The following ERI1 variants were observed in gnomAD, a reference collection of about 807,000 sequenced individuals.
ERI1 encodes exoribonuclease 1, also known as 3'-5' exoribonuclease 1.
In ERI1, 39 loss-of-function variants were observed where a neutral mutation model predicts 39.7. That is an observed-to-expected ratio of 0.98 (90% CI 0.76 to 1.28). ERI1 has a LOEUF of 1.28. Among genes scored for constraint, ERI1 ranks in the 50% most tolerant of loss-of-function variants. The probability of loss-of-function intolerance (pLI) is 0.00; values close to 1 mark genes in which losing one functional copy is unlikely to be tolerated. For synonymous variants in ERI1, 204 were observed against 149.6 expected (o/e 1.36, Z -2.65); for missense variants, 581 against 416.9 (o/e 1.39, Z -3.43).
intron 1 of ERI1, among the ~76,000 whole-genome samples, chr8:9,006,066 T>G (rs1815986072): frequency 6.6e-6 from 1 of 152,244 alleles, no homozygotes; most frequent in South Asian, 2.1e-4. Flanking sequence ...CTGGTACGGA[T>G]GCTGATGCAA....
At chr8:9,010,699 A>G (rs1243820982) in intron 2 of ERI1, among the ~76,000 whole-genome samples, 6 of 152,218 alleles carry the variant, frequency 3.9e-5, no homozygotes, top group Non-Finnish European at 5.9e-5. Context: ...TCATTTATAT[A>G]ACGCTGAAGG....
chr8:9,077,050 G>A (rs1280148969), intron 3 of ERI1, among the ~76,000 whole-genome samples: 2 of 152,310 alleles, frequency 1.3e-5, no homozygotes, highest in African/African-American at 2.4e-5. Context: ...TACCTCATAC[G>A]CATGCCAGTG....
chr8:9,045,054 G>A (rs893228050), intron 3 of ERI1, among the ~76,000 whole-genome samples: 2 of 151,788 alleles, frequency 1.3e-5, no homozygotes, highest in African/African-American at 2.4e-5. Context: ...TGGCTAACAC[G>A]GTGAAACCCT....
chr8:9,026,688 A>G (rs1354609473), intron 6 of ERI1, among the ~76,000 whole-genome samples: 1 of 152,212 alleles, frequency 6.6e-6, no homozygotes, highest in Non-Finnish European at 1.5e-5. Flanking sequence ...ATTGTACTCA[A>G]AAGAAATTCT....
chr8:9,083,573 A>T (rs151278046), intron 3 of ERI1, among the ~76,000 whole-genome samples: 23 of 151,652 alleles, frequency 1.5e-4, no homozygotes, highest in African/African-American at 5.3e-4. Context: ...CTGCCTCATG[A>T]TGCTCACTTT....
At chr8:9,016,550 A>T in intron 4 of ERI1, 145 bp downstream of exon 4, 9 of 365,802 alleles carry the variant, frequency 2.5e-5, no homozygotes, top group South Asian at 9.1e-5. Context: ...GTAATAATTA[A>T]AAAAAAAAAA....
intron 6 of ERI1, among the ~76,000 whole-genome samples, chr8:9,025,992 C>T (rs1468230877): frequency 2.0e-5 from 3 of 152,150 alleles, no homozygotes; most frequent in Non-Finnish European, 4.4e-5. Context: ...AGAACTGTCA[C>T]TGTCTCAGCC....
intron 3 of ERI1, among the ~76,000 whole-genome samples, chr8:9,077,128 T>C (rs191100859): frequency 1.9e-4 from 29 of 152,354 alleles, no homozygotes; most frequent in Non-Finnish European, 2.9e-4. Context: ...GAAACTCCTT[T>C]TCCTGGTATT....
At position 9,030,616 on chromosome 8, in the gene ERI1, A is replaced by G. The variant is rs1178582757; in HGVS notation, c.*582A>G. On this transcript the variant is annotated 3_prime_UTR_variant, in exon 7 of 7. Coordinates refer to ENST00000250263, the MANE Select transcript of ERI1 (RefSeq NM_153332.4). ...ATAATTGGAAGAATTATGATGGATT[A>G]TAGGGTTTGGTTAAAAATCCAGTTA... is the stretch of plus-strand genomic sequence containing the variant. The G allele has an allele frequency of 6.5e-6, 1 of 152,774 alleles. No homozygotes were observed. Among genetic ancestry groups the G allele is most frequent in the African/African-American group, 2.4e-5 (1 of 41,452 alleles). The allele number at this position is 152,774 out of a possible 1,614,324, so 9.5% of individuals were successfully genotyped here.
At chr8:9,065,661 C>T (rs1396538216) in intron 3 of ERI1, among the ~76,000 whole-genome samples, 1 of 144,822 alleles carries the variant, frequency 6.9e-6, no homozygotes, top group Non-Finnish European at 1.5e-5. Context: ...CAGCACTGCA[C>T]TCCAGCCTGG....
At chr8:9,070,850 T>C (rs984183713) in intron 3 of ERI1, among the ~76,000 whole-genome samples, 11 of 152,218 alleles carry the variant, frequency 7.2e-5, no homozygotes, top group African/African-American at 2.7e-4. Flanking sequence ...AATCTCCTTT[T>C]TCCTCAGCAT....
At chr8:9,016,000 G>T (rs983111647) in intron 3 of ERI1, among the ~76,000 whole-genome samples, 2 of 151,982 alleles carry the variant, frequency 1.3e-5, no homozygotes, top group African/African-American at 4.8e-5. Flanking sequence ...TGAAGTAGAG[G>T]ATGCATTAAT....
chr8:9,041,773 C>T (rs1798028162), intron 3 of ERI1, among the ~76,000 whole-genome samples: 3 of 152,188 alleles, frequency 2.0e-5, no homozygotes, highest in Admixed American at 1.3e-4. Context: ...TCGCTGTTGT[C>T]GCCTAGGCTG....
chr8:9,083,303 G>A (rs1799423196), intron 3 of ERI1, among the ~76,000 whole-genome samples: 2 of 152,022 alleles, frequency 1.3e-5, no homozygotes, highest in Admixed American at 6.6e-5. Context: ...GTGCTCTGAC[G>A]GTAACTTCCA....
chr8:9,003,953 T>A (rs1390627124), intron 1 of ERI1: 1 of 583,042 alleles, frequency 1.7e-6, no homozygotes, highest in African/African-American at 1.9e-5. Context: ...AATGAGCTTT[T>A]CAATAACATG....
downstream of ERI1, among the ~76,000 whole-genome samples, chr8:9,034,644 A>C (rs182741778): frequency 1.1e-4 from 16 of 152,040 alleles, no homozygotes; most frequent in Non-Finnish European, 2.2e-4. Flanking sequence ...CTCCAGACCT[A>C]CCTATTCCCT....
chr8:9,003,113 C>A lies in ERI1; in HGVS notation c.50C>A (p.Ala17Glu). 1 of 1,246,006 alleles carries A rather than the reference C, an allele frequency of 8.0e-7. No homozygotes were observed. The highest frequency in any genetic ancestry group is 1.0e-6 in the Non-Finnish European group (1 of 989,810). 77.2% of individuals were successfully genotyped at this position (1,246,006 alleles called of 1,614,324 possible). A position where few individuals can be genotyped will look rare whatever the true frequency, so the allele number is the denominator to read the frequency against. ...KEPAGEAVAL[A>E]LLESPRPEGG... ...CCTGCCGGCGAGGCCGTGGCTCTCG[C>A]GCTGCTGGAGTCGCCGCGGCCGGAG... The change falls in exon 1 of 7, where the codon GCG becomes GAG. Residue 17 changes from alanine to glutamate, a missense_variant. Ala to Glu is a moderately radical substitution (Grantham distance 107). Transcript: ENST00000250263.
At chr8:9,077,611 T>C (rs1799247360) in intron 3 of ERI1, among the ~76,000 whole-genome samples, 1 of 152,238 alleles carries the variant, frequency 6.6e-6, no homozygotes, top group South Asian at 2.1e-4. Context: ...TATCTGCTTA[T>C]AATGCAGAGA....
chr8:9,067,250 C>G (rs1401962163), intron 3 of ERI1, among the ~76,000 whole-genome samples: 1 of 152,018 alleles, frequency 6.6e-6, no homozygotes, highest in Non-Finnish European at 1.5e-5. Context: ...ATACACGTTC[C>G]TGTATCAGCC....
Sources: gnomAD v4.1 joint callset for allele counts (sites outside exome capture counted in the v4.1 genomes callset) on GRCh38, gnomAD v4.1.1 for gene constraint, MANE v1.5 for transcripts, NCBI Gene and HGNC (gene_info 2026-07-23, HGNC 2026-07-21) for gene names.